PELI1: variants seen among roughly 807,000 people sequenced by gnomAD.
PELI1 encodes pellino E3 ubiquitin protein ligase 1, also known as E3 ubiquitin-protein ligase pellino homolog 1.
A neutral mutation model predicts 41.3 loss-of-function variants in PELI1; 15 were observed. That is an observed-to-expected ratio of 0.36 (90% CI 0.24 to 0.56). The LOEUF is 0.56. Among genes scored for constraint, PELI1 ranks in the 20% least tolerant of loss-of-function variants. The probability of loss-of-function intolerance (pLI) is 0.82; values close to 1 mark genes in which losing one functional copy is unlikely to be tolerated. For synonymous variants in PELI1, 178 were observed against 180.1 expected (o/e 0.99, Z 0.09); for missense variants, 403 against 525.5 (o/e 0.77, Z 2.28).
chr2:64,100,671 G>A (rs1432090006), intron 3 of PELI1, among the ~76,000 whole-genome samples, 172 bp from the exon 4 acceptor site: 1 of 151,986 alleles, frequency 6.6e-6, no homozygotes, highest in African/African-American at 2.4e-5. Flanking sequence ...GTAGTTTCTC[G>A]GGTTGAATGG....
chr2:64,125,270 C>G (rs1163022783), intron 1 of PELI1, among the ~76,000 whole-genome samples: 1 of 152,102 alleles, frequency 6.6e-6, no homozygotes, highest in Admixed American at 6.6e-5. Context: ...GTCCTTCTGG[C>G]GACCAGCCCC....
intron 1 of PELI1, among the ~76,000 whole-genome samples, chr2:64,118,928 T>C (rs1681109215): frequency 6.6e-6 from 1 of 152,038 alleles, no homozygotes; most frequent in Non-Finnish European, 1.5e-5. Flanking sequence ...ATTCTCAAAT[T>C]TGTAACGGAA....
At chr2:64,123,328 G>A (rs1001335724) in intron 1 of PELI1, among the ~76,000 whole-genome samples, 6 of 152,180 alleles carry the variant, frequency 3.9e-5, no homozygotes, top group African/African-American at 1.4e-4. Context: ...TGTTTACCTG[G>A]CAGTCTCTTT....
In PELI1 at chr2:64,096,579, A is replaced by G. The variant is rs1396215706; in HGVS notation, c.335T>C (p.Phe112Ser). The change falls in exon 5 of 7, where the codon TTT becomes TCT. Residue 112 changes from phenylalanine to serine, a missense_variant. Coordinates refer to ENST00000358912, the MANE Select transcript of PELI1 (RefSeq NM_020651.4). Reference sequence around the variant, plus strand: ...TCCAGGAACCGTGTCAGTTACTACAAAATCAATGGGGCTTTCAGTCGACCG... The same window carrying G: ...TCCAGGAACCGTGTCAGTTACTACAGAATCAATGGGGCTTTCAGTCGACCG... ...IGRSTESPID[F>S]VVTDTVPGSQ... The G allele has an allele frequency of 1.2e-6, 2 of 1,613,322 alleles. No homozygotes were observed. The highest frequency in any genetic ancestry group is 2.2e-5 in the South Asian group (2 of 91,064).
chr2:64,104,536 T>C (rs1200227865), intron 3 of PELI1, 165 bp downstream of exon 3: 4 of 1,081,822 alleles, frequency 3.7e-6, no homozygotes, highest in East Asian at 5.7e-5. Flanking sequence ...CCCTTCCATA[T>C]GGCAGCTCTT....
intron 1 of PELI1, among the ~76,000 whole-genome samples, chr2:64,121,402 T>G (rs1271165894): frequency 6.6e-6 from 1 of 152,210 alleles, no homozygotes; most frequent in Non-Finnish European, 1.5e-5. Flanking sequence ...GGAAGTATAT[T>G]TCCTGCTTAA....
chr2:64,099,199 CACATAT>C (rs1436646480), intron 4 of PELI1, among the ~76,000 whole-genome samples: 14 of 151,168 alleles, frequency 9.3e-5, no homozygotes, highest in African/African-American at 3.4e-4. Flanking sequence ...CACACACACA[CACATAT>C]ATATTTATCT....
At position 64,108,283 on chromosome 2, in the gene PELI1, G is replaced by C. The variant is rs758991278; in HGVS notation, c.28C>G (p.Pro10Ala). 1 of 1,606,734 alleles carries C rather than the reference G, an allele frequency of 6.2e-7. No individual in the cohort carries two copies. Among genetic ancestry groups the C allele is most frequent in the South Asian group, 1.1e-5 (1 of 90,910 alleles). The change falls in exon 2 of 7, where the codon CCA (proline) becomes GCA (alanine). Residue 10 changes from proline to alanine, a missense_variant. Transcript: ENST00000358912. ...CCATATTTTACTGGTGCTTTAGATGGATGATTTTCTTGATCAGGAGAAAAC... is the reference window on the plus strand; with the variant it reads ...CCATATTTTACTGGTGCTTTAGATGCATGATTTTCTTGATCAGGAGAAAAC... MFSPDQENH[P>A]SKAPVKYGEL...
chr2:64,142,497 G>A (rs1681946240), intron 1 of PELI1, among the ~76,000 whole-genome samples: 1 of 152,090 alleles, frequency 6.6e-6, no homozygotes, highest in Non-Finnish European at 1.5e-5. Flanking sequence ...AATTTTTGGT[G>A]CTTTCCAGTA....
intron 1 of PELI1, among the ~76,000 whole-genome samples, chr2:64,124,026 G>A (rs532429709): frequency 1.2e-4 from 18 of 152,290 alleles, no homozygotes; most frequent in African/African-American, 4.3e-4. Context: ...CTAAGTGAAA[G>A]AAGTCAGTCA....
At chr2:64,131,204 TTAA>T (rs754230165) in intron 1 of PELI1, among the ~76,000 whole-genome samples, 3 of 151,240 alleles carry the variant, frequency 2.0e-5, no homozygotes, top group East Asian at 1.9e-4. Context: ...AATAGGAAAA[TTAA>T]TAATAAGATA....
intron 1 of PELI1, among the ~76,000 whole-genome samples, chr2:64,110,008 G>A (rs1191601403): frequency 6.6e-6 from 1 of 152,182 alleles, no homozygotes; most frequent in Non-Finnish European, 1.5e-5. Context: ...ACTTTGGGAA[G>A]CGGAGGCGGG....
At chr2:64,101,984 C>T (rs1034363224) in intron 3 of PELI1, among the ~76,000 whole-genome samples, 25 of 152,102 alleles carry the variant, frequency 1.6e-4, no homozygotes, top group African/African-American at 5.3e-4. Flanking sequence ...CATGCCACCA[C>T]GCCCGGCTAA....
At chr2:64,135,308 T>C (rs945019455) in intron 1 of PELI1, among the ~76,000 whole-genome samples, 1 of 152,016 alleles carries the variant, frequency 6.6e-6, no homozygotes, top group African/African-American at 2.4e-5. Context: ...ATTATTGAGT[T>C]AAAAAAGTAT....
At chr2:64,136,032 C>T (rs572420810) in intron 1 of PELI1, among the ~76,000 whole-genome samples, 2 of 152,184 alleles carry the variant, frequency 1.3e-5, no homozygotes, top group South Asian at 2.1e-4. Flanking sequence ...CTTTCTCTTC[C>T]GTCAGAAGTT....
At chr2:64,121,596 C>A (rs1201797295) in intron 1 of PELI1, among the ~76,000 whole-genome samples, 1 of 152,042 alleles carries the variant, frequency 6.6e-6, no homozygotes, top group Non-Finnish European at 1.5e-5. Context: ...GATAAAATCT[C>A]CATATTTTCT....
rs1314195645 is a variant in PELI1 at position 64,100,472 on chromosome 2, T to C, written c.229A>G (p.Ile77Val). The C allele has an allele frequency of 3.8e-6, 6 of 1,584,764 alleles. No homozygotes were observed. In the Admixed American group the frequency reaches 8.3e-5, roughly 22 times the overall value. Residue 77 changes from isoleucine to valine, a missense_variant, in exon 4 of 7, where the codon ATA becomes GTA. Coordinates refer to ENST00000358912, the MANE Select transcript of PELI1 (RefSeq NM_020651.4). ...KAISNKDQHSISYTLSRAQTV... is the reference protein window; with the variant it reads ...KAISNKDQHSVSYTLSRAQTV... ...TGGGCCCGAGATAAAGTATATGATA[T>C]GCTATGCTGGTCTTTGTTGCTTATT...
At chr2:64,108,877 G>GAT (rs1159393200) in intron 1 of PELI1, among the ~76,000 whole-genome samples, 2 of 152,182 alleles carry the variant, frequency 1.3e-5, no homozygotes, top group African/African-American at 4.8e-5. Context: ...AAAGAAACAA[G>GAT]AAAGGGACAG....
intron 1 of PELI1, among the ~76,000 whole-genome samples, chr2:64,121,899 C>A (rs1188266365): frequency 6.7e-6 from 1 of 148,608 alleles, no homozygotes; most frequent in Non-Finnish European, 1.5e-5. Flanking sequence ...GAGCAAAACT[C>A]CGTCTTCAAA....
Sources: gnomAD v4.1 joint callset for allele counts (sites outside exome capture counted in the v4.1 genomes callset) on GRCh38, gnomAD v4.1.1 for gene constraint, MANE v1.5 for transcripts, NCBI Gene and HGNC (gene_info 2026-07-23, HGNC 2026-07-21) for gene names.